CLMN: variants seen among roughly 807,000 people sequenced by gnomAD.
CLMN encodes calmin.
CLMN carries 57 observed loss-of-function variants against 92.7 expected under a neutral mutation model. That is an observed-to-expected ratio of 0.61 (90% CI 0.50 to 0.77). The LOEUF is 0.77. Ranked by LOEUF, CLMN falls within the 30% of genes least tolerant of loss-of-function variation. CLMN has a pLI of 0.00. For missense variants in CLMN, 1,158 were observed against 1,237.5 expected (o/e 0.94, Z 0.96); for synonymous variants, 466 against 470.6 (o/e 0.99, Z 0.13).
Position 95,191,378 on chromosome 14 carries a change from C to T in CLMN, c.*186G>A. ...ACACAGCCAAAGAAAAAAGCATGCT[C>T]AGGTTGTCCAGAAAAAAAAGGAAAC... On this transcript the variant is annotated 3_prime_UTR_variant, in exon 13 of 13. Transcript: ENST00000298912. This position sits in a 1 kb window ranked among gnomAD's most constrained non-coding sequence, Gnocchi z 5.3. 1 of 443,524 alleles carries T rather than the reference C, an allele frequency of 2.3e-6. No individual in the cohort carries two copies. The highest frequency in any genetic ancestry group is 3.9e-6 in the Non-Finnish European group (1 of 256,588). 27.5% of individuals were successfully genotyped at this position (443,524 alleles called of 1,614,324 possible). A position where few individuals can be genotyped will look rare whatever the true frequency, so the allele number is the denominator to read the frequency against.
At chr14:95,283,821 G>C (rs1308682064) in intron 1 of CLMN, among the ~76,000 whole-genome samples, 6 of 152,220 alleles carry the variant, frequency 3.9e-5, no homozygotes, top group Non-Finnish European at 8.8e-5. Context: ...GAGCATAAAA[G>C]TTTGGAAAAT....
chr14:95,266,849 G>A (rs745685878), intron 1 of CLMN, among the ~76,000 whole-genome samples: 30 of 152,044 alleles, frequency 2.0e-4, no homozygotes, highest in Non-Finnish European at 1.6e-4. Context: ...AAGACACAAA[G>A]ACCAATGAAA....
At chr14:95,196,075 C>T (rs1311317810) in intron 10 of CLMN, among the ~76,000 whole-genome samples, 5 of 152,290 alleles carry the variant, frequency 3.3e-5, no homozygotes, top group African/African-American at 1.2e-4. Context: ...TTAATGGTCT[C>T]CTTGGTGGAA....
At chr14:95,279,981 T>A (rs1475519367) in intron 1 of CLMN, among the ~76,000 whole-genome samples, 3 of 152,078 alleles carry the variant, frequency 2.0e-5, no homozygotes, top group Non-Finnish European at 4.4e-5. Context: ...TGTTTTTTTT[T>A]TTTGCCTAGT....
chr14:95,264,323 C>G (rs1422267598), intron 1 of CLMN, among the ~76,000 whole-genome samples: 1 of 152,202 alleles, frequency 6.6e-6, no homozygotes, highest in African/African-American at 2.4e-5. Flanking sequence ...GCATGAGCCA[C>G]TGTGCCGGAC....
intron 1 of CLMN, among the ~76,000 whole-genome samples, chr14:95,312,618 C>T (rs1351498824): frequency 6.6e-6 from 1 of 152,208 alleles, no homozygotes; most frequent in Non-Finnish European, 1.5e-5. Context: ...CCTCACCCCA[C>T]GAACCTGATT....
At chr14:95,214,221 C>T (rs550267735) in intron 5 of CLMN, among the ~76,000 whole-genome samples, 1 of 152,086 alleles carries the variant, frequency 6.6e-6, no homozygotes, top group South Asian at 2.1e-4. Context: ...TGAAGCCCTA[C>T]GGTGGTGGAT....
rs1896416927 is a variant in CLMN at position 95,185,321 on chromosome 14, G to A, written c.*6243C>T. 6.6e-6 allele frequency: 1 copy of A among 152,264 alleles called. No individual in the cohort carries two copies. The highest frequency in any genetic ancestry group is 2.1e-4 in the South Asian group (1 of 4,830). The allele number at this position is 152,264 out of a possible 1,614,324, so 9.4% of individuals were successfully genotyped here. On this transcript the variant is annotated 3_prime_UTR_variant, in exon 13 of 13. Transcript: ENST00000298912. ...GCTCAAGGGGATGCTTGTGTCTCAT[G>A]TTTGGTTCTCCCACGCTGGCTGTTA... is the stretch of plus-strand genomic sequence containing the variant.
chr14:95,255,355 G>A (rs1456186099), intron 1 of CLMN, among the ~76,000 whole-genome samples: 1 of 152,220 alleles, frequency 6.6e-6, no homozygotes, highest in Non-Finnish European at 1.5e-5. Context: ...TATGGTGCAA[G>A]AAGATGTTCT....
intron 1 of CLMN, among the ~76,000 whole-genome samples, chr14:95,245,254 A>G (rs796095256): frequency 3.6e-5 from 1 of 27,976 alleles, no homozygotes; most frequent in Non-Finnish European, 5.8e-5. Context: ...ATATATATAT[A>G]ATATATATAT....
At chr14:95,225,767 T>A (rs1221746293) in intron 2 of CLMN, among the ~76,000 whole-genome samples, 1 of 152,136 alleles carries the variant, frequency 6.6e-6, no homozygotes, top group African/African-American at 2.4e-5. Context: ...CTAAACAGGA[T>A]CTAGAGTGTG....
At position 95,315,609 on chromosome 14, in the gene CLMN, C is replaced by T. The variant is rs149656510; in HGVS notation, c.82+4102G>A. Among the ~76,000 whole-genome samples, 758 of 152,286 alleles carry T rather than the reference C, an allele frequency of 5.0e-3. 5 individuals carry two copies. The highest frequency in any genetic ancestry group is 0.017 in the African/African-American group (708 of 41,548). ...AGGCCCTGCCCTGCCTCTGAGCCTG[C>T]CTTGAGGGGATTCCAATCATTTCTC... is the stretch of plus-strand genomic sequence containing the variant. On this transcript the variant is annotated intron_variant, in intron 1 of 12. Transcript: ENST00000298912.
intron 2 of CLMN, among the ~76,000 whole-genome samples, chr14:95,224,662 G>A (rs775889343): frequency 6.6e-6 from 1 of 152,290 alleles, no homozygotes; most frequent in East Asian, 1.9e-4. Flanking sequence ...CTAGCTGTTT[G>A]GTATTGTCCT....
Position 95,194,064 on chromosome 14 carries a change from A to C in CLMN, c.2770-145T>G. The C allele has an allele frequency of 6.8e-7, 1 of 1,465,970 alleles. No individual in the cohort carries two copies. The highest frequency in any genetic ancestry group is 2.6e-5 in the Admixed American group (1 of 39,012). The allele number at this position is 1,465,970 out of a possible 1,614,324, so 90.8% of individuals were successfully genotyped here. On this transcript the variant is annotated intron_variant, in intron 11 of 12. Transcript: ENST00000298912. This position sits in a 1 kb window ranked among gnomAD's most constrained non-coding sequence, Gnocchi z 4.0. Reference sequence around the variant, plus strand: ...ACCGCCAGCGTCTAGATCCAAAATCAAAGTGCTAAACAATATACATTCCTC... The same window carrying C: ...ACCGCCAGCGTCTAGATCCAAAATCCAAGTGCTAAACAATATACATTCCTC...
At chr14:95,304,907 A>G (rs1463635519) in intron 1 of CLMN, among the ~76,000 whole-genome samples, 1 of 152,122 alleles carries the variant, frequency 6.6e-6, no homozygotes, top group Non-Finnish European at 1.5e-5. Flanking sequence ...GGGGGTCCCC[A>G]TGAAACAGTC....
At chr14:95,234,725 G>A (rs1240956952) in intron 1 of CLMN, among the ~76,000 whole-genome samples, 1 of 152,234 alleles carries the variant, frequency 6.6e-6, no homozygotes, top group Non-Finnish European at 1.5e-5. Context: ...AGCCGCACCA[G>A]CCCAAATTCC....
At chr14:95,292,807 C>T (rs964061095) in intron 1 of CLMN, among the ~76,000 whole-genome samples, 1 of 152,046 alleles carries the variant, frequency 6.6e-6, no homozygotes, top group Non-Finnish European at 1.5e-5. Context: ...TCAGGGAGGG[C>T]GAGATGAAGC....
rs897937023 is a variant in CLMN at position 95,319,884 on chromosome 14, G to C, written c.-92C>G. 1 of 662,752 alleles carries C rather than the reference G, an allele frequency of 1.5e-6. No individual in the cohort carries two copies. The highest frequency in any genetic ancestry group is 6.7e-5 in the Admixed American group (1 of 14,830). The allele number at this position is 662,752 out of a possible 1,614,324, so 41.1% of individuals were successfully genotyped here. The stretch of plus-strand genomic sequence containing the variant: ...GGCGCGCGAGCGGCACGCACCCGGC[G>C]AGGGCGCCGCGGAGCTGGAGTCGCG... On this transcript the variant is annotated 5_prime_UTR_variant, in exon 1 of 13. Coordinates refer to ENST00000298912, the MANE Select transcript of CLMN (RefSeq NM_024734.4).
chr14:95,276,295 G>C (rs1256616474), intron 1 of CLMN, among the ~76,000 whole-genome samples: 1 of 152,204 alleles, frequency 6.6e-6, no homozygotes, highest in Non-Finnish European at 1.5e-5. Context: ...GGTCCTCTTG[G>C]TGAAGTCCCT....
Sources: allele counts gnomAD v4.1 joint callset (sites outside exome capture counted in the v4.1 genomes callset), GRCh38; gene constraint gnomAD v4.1.1; non-coding constraint Gnocchi (gnomAD v3.1); transcripts MANE v1.5; gene names NCBI Gene and HGNC (gene_info 2026-07-23, HGNC 2026-07-21).